The following ERCC1 variants were observed in gnomAD, a reference collection of about 807,000 sequenced individuals.
ERCC1 encodes the protein DNA excision repair protein ERCC-1.
Under a neutral mutation model 37.6 loss-of-function variants are expected in ERCC1, and 36 were observed. That is an observed-to-expected ratio of 0.96 (90% CI 0.73 to 1.26). The LOEUF is 1.26. Ranked by LOEUF, ERCC1 falls within the 50% of genes most tolerant of loss-of-function variation. ERCC1 has a pLI of 0.00. For synonymous variants in ERCC1, 156 were observed against 162.1 expected, an observed-to-expected ratio of 0.96 and a Z score of 0.28; for missense variants, 349 against 376.5, an observed-to-expected ratio of 0.93 and a Z score of 0.60.
intron 2 of ERCC1, among the ~76,000 whole-genome samples, chr19:45,422,411 T>G (rs1249122764): frequency 6.6e-6 from 1 of 151,982 alleles, no homozygotes; most frequent in African/African-American, 2.4e-5. Context: ...GCTCACTCCC[T>G]CACCTCTTTC....
At chr19:45,424,429 C>T (rs1035096043), upstream of ERCC1, 1 of 152,212 alleles carries the variant, frequency 6.6e-6, no homozygotes, top group Non-Finnish European at 1.5e-5. Context: ...GGATGGGGGT[C>T]AGGGGGAGCG....
chr19:45,414,209 C>T lies in ERCC1; in HGVS notation c.703-175G>A, dbSNP rs984529707. On this transcript the variant is annotated intron_variant, in intron 7 of 9. Transcript: ENST00000300853. ...AGTCATCTCAGGCTGGGCGTGGTGG[C>T]TCATGCCTAATAATCCCAGCACTTT... The T allele has an allele frequency of 5.0e-5, 33 of 659,258 alleles. No individual in the cohort carries two copies. In the African/African-American group the frequency reaches 5.2e-4, roughly 10 times the overall value. 40.8% of individuals were successfully genotyped at this position (659,258 alleles called of 1,614,324 possible).
rs866713815 is a variant in ERCC1, at chr19:45,450,899, C to G, written c.-7-27518G>C. Among the ~76,000 whole-genome samples, 12 of 96,660 alleles carry G rather than the reference C, an allele frequency of 1.2e-4. 1 individual carries two copies. The highest frequency in any genetic ancestry group is 8.7e-4 in the East Asian group (3 of 3,462). The allele number at this position is 96,660 out of a possible 152,430, so 63.4% of individuals were successfully genotyped here. ...TCTCCGTGCGCCCGCCCCCCCCCCC[C>G]CCCCCCACGCCCGCGCAGACGCGGT... On this transcript the variant is annotated intron_variant, in intron 1 of 8. Coordinates refer to the ERCC1 transcript ENST00000423698.
At chr19:45,446,416 G>A (rs556542923) in intron 1 of ERCC1, among the ~76,000 whole-genome samples, 2 of 152,240 alleles carry the variant, frequency 1.3e-5, no homozygotes, top group African/African-American at 4.8e-5. Context: ...GTAGATGGCA[G>A]CACTTTCCAT....
chr19:45,438,467 T>C (rs898401609), intron 1 of ERCC1, among the ~76,000 whole-genome samples: 1 of 151,832 alleles, frequency 6.6e-6, no homozygotes, highest in Non-Finnish European at 1.5e-5. Context: ...TTTGTTTGTT[T>C]ATTTATTTAT....
rs778310366 is a variant in ERCC1 at position 45,413,763 on chromosome 19, G to A, written c.775-18C>T. 6.2e-7 allele frequency: 1 copy of A among 1,612,484 alleles called. No individual in the cohort carries two copies. Among genetic ancestry groups the A allele is most frequent in the Non-Finnish European group, 8.5e-7 (1 of 1,180,008 alleles). ...TCCAGAGACTGAAAGGTGAAAGCGA[G>A]GGGTCAGGGCAGTTGAGCACAAAAG... On this transcript the variant is annotated intron_variant, in intron 8 of 9. Transcript: ENST00000300853.
chr19:45,437,359 CA>C (rs1385270718), intron 1 of ERCC1, among the ~76,000 whole-genome samples: 1 of 151,800 alleles, frequency 6.6e-6, no homozygotes, highest in Admixed American at 6.6e-5. Flanking sequence ...GTTATATTTC[CA>C]AAGGAATTGA....
At chr19:45,417,269 G>C (rs369040408) in intron 5 of ERCC1, among the ~76,000 whole-genome samples, 1 of 152,162 alleles carries the variant, frequency 6.6e-6, no homozygotes, top group East Asian at 1.9e-4. Context: ...TGCCCTCCCA[G>C]GGCTCACAGT....
chr19:45,446,100 A>G (rs4802258), intron 1 of ERCC1, among the ~76,000 whole-genome samples: 25,046 of 151,780 alleles, frequency 0.17, 2,330 homozygotes, highest in Admixed American at 0.24. Flanking sequence ...ACTCAACCCA[A>G]TGTTGGCCAG....
chr19:45,444,675 CGG>C (rs1975215209), intron 1 of ERCC1, among the ~76,000 whole-genome samples: 1 of 152,168 alleles, frequency 6.6e-6, no homozygotes, highest in Non-Finnish European at 1.5e-5. Flanking sequence ...AGGGAACTGT[CGG>C]GGCGCAGAGA....
intron 5 of ERCC1, among the ~76,000 whole-genome samples, chr19:45,417,780 A>G (rs1468042623): frequency 6.6e-6 from 1 of 151,778 alleles, no homozygotes; most frequent in Non-Finnish European, 1.5e-5. Context: ...GCTCATTGCA[A>G]CCTCCACCTC....
At chr19:45,447,716 T>A (rs183769500) in intron 1 of ERCC1, among the ~76,000 whole-genome samples, 2 of 152,266 alleles carry the variant, frequency 1.3e-5, no homozygotes, top group East Asian at 3.9e-4. Flanking sequence ...CTCTTGTCCC[T>A]GGCTGTGTGT....
At chr19:45,440,153 T>C (rs1410248386) in intron 1 of ERCC1, among the ~76,000 whole-genome samples, 1 of 147,638 alleles carries the variant, frequency 6.8e-6, no homozygotes, top group Non-Finnish European at 1.5e-5. Flanking sequence ...CCTGGCTGCC[T>C]TCCTACGTCC....
intron 5 of ERCC1, 106 bp downstream of exon 5, chr19:45,418,992 G>A (rs180777212): frequency 2.0e-5 from 16 of 805,740 alleles, no homozygotes; most frequent in Non-Finnish European, 3.2e-5. Context: ...TGTGAAAAAC[G>A]TTCCTCGCTG....
Position 45,408,059 on chromosome 19 carries a change from A to G in ERCC1, c.*1616T>C, listed in dbSNP as rs1973450848. ...ACAGAGCAAGACTCTCTCAAAAAAA[A>G]ACAAAAAAAAAATCAAAAAACCTTC... On this transcript the variant is annotated 3_prime_UTR_variant, in exon 10 of 10. Coordinates refer to ENST00000300853, the MANE Select transcript of ERCC1 (RefSeq NM_001983.4). 3 of 1,476,686 alleles carry G rather than the reference A, an allele frequency of 2.0e-6. No homozygotes were observed. The highest frequency in any genetic ancestry group is 4.8e-5 in the Admixed American group (2 of 41,838). 91.5% of individuals were successfully genotyped at this position (1,476,686 alleles called of 1,614,324 possible).
chr19:45,414,782 C>T, intron 7 of ERCC1, 79 bp downstream of exon 7: 6 of 1,007,790 alleles, frequency 6.0e-6, no homozygotes, highest in Non-Finnish European at 9.5e-6. Context: ...TGGACAGTGC[C>T]TTAAAATTGG....
At chr19:45,428,959 G>T (rs1272393213) in intron 1 of ERCC1, 3 of 152,232 alleles carry the variant, frequency 2.0e-5, no homozygotes, top group Non-Finnish European at 4.4e-5. Flanking sequence ...GCCGCCGGGG[G>T]CTGACTCACC....
At chr19:45,446,160 A>G (rs1164284927) in intron 1 of ERCC1, among the ~76,000 whole-genome samples, 1 of 152,042 alleles carries the variant, frequency 6.6e-6, no homozygotes, top group Non-Finnish European at 1.5e-5. Context: ...TCAGCCTCCC[A>G]AAGTGTTGGG....
chr19:45,425,082 A>ATTTT (rs35314737), upstream of ERCC1, among the ~76,000 whole-genome samples: 5 of 116,940 alleles, frequency 4.3e-5, no homozygotes, highest in African/African-American at 6.3e-5. Flanking sequence ...TGCCCGGCTA[A>ATTTT]TTTTTTTTTT....
Sources: gnomAD v4.1 joint callset for allele counts (sites outside exome capture counted in the v4.1 genomes callset) on GRCh38, gnomAD v4.1.1 for gene constraint, MANE v1.5 for transcripts, NCBI Gene and HGNC (gene_info 2026-07-23, HGNC 2026-07-21) for gene names.